The following CCDC85A variants were observed in gnomAD, a reference collection of about 807,000 sequenced individuals.
CCDC85A encodes coiled-coil domain-containing protein 85A.
In CCDC85A, 38 loss-of-function variants were observed where a neutral mutation model predicts 50.2. The observed-to-expected ratio is 0.76, with a 90% CI of 0.58 to 0.99. The LOEUF (loss-of-function observed/expected upper bound fraction) is 0.99. Among genes scored for constraint, CCDC85A ranks in the 50% least tolerant of loss-of-function variants. The pLI is 0.00. For synonymous variants in CCDC85A, 366 were observed against 301.4 expected (o/e 1.21, Z -2.22); for missense variants, 820 against 742.0 (o/e 1.11, Z -1.22).
At chr2:56,219,350 C>T (rs947012975) in intron 2 of CCDC85A, among the ~76,000 whole-genome samples, 13 of 151,352 alleles carry the variant, frequency 8.6e-5, no homozygotes, top group African/African-American at 2.7e-4. Context: ...GGACGTTCTT[C>T]GAACAATAAA....
At chr2:56,367,985 A>AAAGTCATGCAGCTCG (rs1553418706) in intron 3 of CCDC85A, among the ~76,000 whole-genome samples, 10 of 63,214 alleles carry the variant, frequency 1.6e-4, no homozygotes, top group African/African-American at 2.8e-4. Flanking sequence ...CATGCAGCTC[A>AAAGTCATGCAGCTCG]TAAGTGTCAG....
intron 2 of CCDC85A, among the ~76,000 whole-genome samples, chr2:56,279,153 C>G (rs1279839272): frequency 6.6e-6 from 1 of 152,142 alleles, no homozygotes; most frequent in Non-Finnish European, 1.5e-5. Context: ...GAAAGTTGAC[C>G]TTCCAGCAGA....
At chr2:56,226,736 C>T (rs1668559285) in intron 2 of CCDC85A, among the ~76,000 whole-genome samples, 1 of 151,994 alleles carries the variant, frequency 6.6e-6, no homozygotes, top group Admixed American at 6.6e-5. Flanking sequence ...CTACTCTTCC[C>T]ATCCGCTTCA....
chr2:56,380,570 A>C (rs557420830), intron 5 of CCDC85A, among the ~76,000 whole-genome samples: 2 of 151,790 alleles, frequency 1.3e-5, no homozygotes, highest in African/African-American at 4.8e-5. Context: ...AAAAAAAAAA[A>C]CAACAACAAC....
At chr2:56,232,268 T>C (rs1046852753) in intron 2 of CCDC85A, among the ~76,000 whole-genome samples, 7 of 152,172 alleles carry the variant, frequency 4.6e-5, no homozygotes, top group African/African-American at 1.7e-4. Context: ...AACCAGACTC[T>C]GGATTTCTTC....
At chr2:56,329,943 C>CTTTTT (rs1336192523) in intron 2 of CCDC85A, among the ~76,000 whole-genome samples, 31 of 22,882 alleles carry the variant, frequency 1.4e-3, no homozygotes, top group African/African-American at 3.2e-3. Flanking sequence ...TACAGATTTC[C>CTTTTT]TGTTTTTTTT....
At chr2:56,376,630 T>G in intron 5 of CCDC85A, among the ~76,000 whole-genome samples, 1 of 152,270 alleles carries the variant, frequency 6.6e-6, no homozygotes, top group South Asian at 2.1e-4. Flanking sequence ...TAGGTACAAT[T>G]AATAATAAAT....
At chr2:56,217,063 G>A (rs1213354452) in intron 2 of CCDC85A, among the ~76,000 whole-genome samples, 1 of 151,824 alleles carries the variant, frequency 6.6e-6, no homozygotes, top group Admixed American at 6.6e-5. Context: ...TAATCTCATG[G>A]TCTTGCTGCT....
intron 5 of CCDC85A, chr2:56,379,706 C>A: frequency 1.4e-6 from 1 of 695,918 alleles, no homozygotes; most frequent in Non-Finnish European, 1.8e-6. Flanking sequence ...AACTAACAAG[C>A]TTTTTTCCAT....
At chr2:56,185,350 G>A (rs540849861) in intron 1 of CCDC85A, among the ~76,000 whole-genome samples, 1 of 152,196 alleles carries the variant, frequency 6.6e-6, no homozygotes. Context: ...GGCGAGGAAA[G>A]GGCGCCACTG....
At chr2:56,382,683 T>C (rs1676647962) in intron 5 of CCDC85A, among the ~76,000 whole-genome samples, 1 of 152,018 alleles carries the variant, frequency 6.6e-6, no homozygotes, top group Non-Finnish European at 1.5e-5. Flanking sequence ...ATTGTTGGTT[T>C]ATTGCAAAGT....
chr2:56,363,517 T>G (rs1675640173), intron 3 of CCDC85A, among the ~76,000 whole-genome samples: 1 of 152,216 alleles, frequency 6.6e-6, no homozygotes, highest in African/African-American at 2.4e-5. Flanking sequence ...CTCTTCTTGC[T>G]TCTCTATTGA....
chr2:56,218,459 A>G (rs1259025119), intron 2 of CCDC85A, among the ~76,000 whole-genome samples: 2 of 151,906 alleles, frequency 1.3e-5, no homozygotes, highest in East Asian at 1.9e-4. Flanking sequence ...TTAGTAGCCT[A>G]TTGTACATTT....
chr2:56,247,403 C>T (rs1391573154), intron 2 of CCDC85A, among the ~76,000 whole-genome samples: 1 of 151,920 alleles, frequency 6.6e-6, no homozygotes. Flanking sequence ...ATATATTTTC[C>T]TTCTGCAATT....
chr2:56,223,246 G>A (rs982655196), intron 2 of CCDC85A, among the ~76,000 whole-genome samples: 1 of 152,116 alleles, frequency 6.6e-6, no homozygotes, highest in African/African-American at 2.4e-5. Context: ...TCTAGAGAGA[G>A]GGGTTAGCAA....
At chr2:56,247,688 T>C (rs1669573504) in intron 2 of CCDC85A, among the ~76,000 whole-genome samples, 3 of 152,108 alleles carry the variant, frequency 2.0e-5, no homozygotes, top group Admixed American at 6.5e-5. Context: ...GACTAGGCCA[T>C]GAAAAAACAT....
At chr2:56,263,030 A>G (rs1670285413) in intron 2 of CCDC85A, among the ~76,000 whole-genome samples, 1 of 152,232 alleles carries the variant, frequency 6.6e-6, no homozygotes, top group South Asian at 2.1e-4. Flanking sequence ...TGGGGACTAA[A>G]TGAATACTTA....
chr2:56,208,345 G>T (rs1677036577), intron 2 of CCDC85A, among the ~76,000 whole-genome samples: 1 of 152,084 alleles, frequency 6.6e-6, no homozygotes, highest in African/African-American at 2.4e-5. Flanking sequence ...ATACAATGAA[G>T]CACAATCTCC....
intron 2 of CCDC85A, among the ~76,000 whole-genome samples, chr2:56,274,322 G>A (rs1670830260): frequency 6.6e-6 from 1 of 152,110 alleles, no homozygotes; most frequent in African/African-American, 2.4e-5. Context: ...TATAGTGAGA[G>A]AGTTTTGATT....
Sources: gnomAD v4.1 joint callset for allele counts (sites outside exome capture counted in the v4.1 genomes callset) on GRCh38, gnomAD v4.1.1 for gene constraint, MANE v1.5 for transcripts, NCBI Gene and HGNC (gene_info 2026-07-23, HGNC 2026-07-21) for gene names.